EP300: variants seen among roughly 807,000 people sequenced by gnomAD.
EP300 encodes the protein EP300 lysine acetyltransferase.
A neutral mutation model predicts 264.0 loss-of-function variants in EP300; 31 were observed. That is an observed-to-expected ratio of 0.12 (90% CI 0.09 to 0.16). The LOEUF (loss-of-function observed/expected upper bound fraction) is 0.16, where lower values mean the gene tolerates loss of function less well. Ranked by LOEUF, EP300 falls within the 10% of genes least tolerant of loss-of-function variation. The probability of loss-of-function intolerance (pLI) is 1.00; values close to 1 mark genes in which losing one functional copy is unlikely to be tolerated. For missense variants in EP300, 2,766 were observed against 3,052.9 expected (o/e 0.91, Z 2.21); for synonymous variants, 1,340 against 1,045.4 (o/e 1.28, Z -5.44).
intron 7 of EP300, 80 bp from the exon 8 acceptor site, chr22:41,137,573 A>G (rs142899009): frequency 1.5e-5 from 24 of 1,571,180 alleles, no homozygotes; most frequent in Admixed American, 1.5e-4. Context: ...TTCCATTACA[A>G]TAATCAGTGT....
chr22:41,149,715 A>C, intron 13 of EP300, 46 bp from the exon 14 acceptor site: 1 of 1,588,534 alleles, frequency 6.3e-7, no homozygotes, highest in Non-Finnish European at 8.6e-7. Flanking sequence ...GTATTTCCTT[A>C]ATTCTGTTCT....
intron 1 of EP300, among the ~76,000 whole-genome samples, chr22:41,111,695 C>T (rs986398761): frequency 8.6e-5 from 13 of 151,824 alleles, no homozygotes; most frequent in African/African-American, 2.4e-4. Flanking sequence ...CCTGCACCAC[C>T]ACGTACCGCT....
rs34213429 is a variant in EP300, at chr22:41,103,222, G to A, written c.94+10124G>A. ...GAAGTGGGTAGGCAGGTGTGATGGG[G>A]GTAGTGATGTTACATTTGGGGCATT... On this transcript the variant is annotated intron_variant, in intron 1 of 30. Transcript: ENST00000263253. Among the ~76,000 whole-genome samples, 1,063 of 152,248 alleles carry A rather than the reference G, an allele frequency of 7.0e-3. 6 individuals carry two copies. Among genetic ancestry groups the A allele is most frequent in the Non-Finnish European group, 0.011 (754 of 68,000 alleles).
intron 13 of EP300, among the ~76,000 whole-genome samples, chr22:41,149,526 C>T (rs557065399): frequency 6.1e-4 from 93 of 152,246 alleles, no homozygotes; most frequent in Non-Finnish European, 6.3e-4. Flanking sequence ...CATTTTTCTG[C>T]GGTGGCTGAG....
At chr22:41,154,360 G>A (rs908872228) in intron 16 of EP300, among the ~76,000 whole-genome samples, 4 of 117,712 alleles carry the variant, frequency 3.4e-5, no homozygotes, top group African/African-American at 6.1e-5. Context: ...CTCTTAACAC[G>A]AGTATCTTGT....
chr22:41,136,024 G>T, intron 7 of EP300, 118 bp downstream of exon 7: 1 of 801,214 alleles, frequency 1.2e-6, no homozygotes. Flanking sequence ...AATACAGATA[G>T]ATGTTTGAGT....
chr22:41,132,867 TATG>T (rs1403286221), intron 6 of EP300, among the ~76,000 whole-genome samples: 1 of 152,214 alleles, frequency 6.6e-6, no homozygotes, highest in Non-Finnish European at 1.5e-5. Flanking sequence ...TCTGATTGCA[TATG>T]ATAACATTGG....
At chr22:41,119,172 ATTAT>A (rs1471390315) in intron 2 of EP300, among the ~76,000 whole-genome samples, 8 of 107,218 alleles carry the variant, frequency 7.5e-5, no homozygotes, top group African/African-American at 3.5e-4. Context: ...CTGGCTTATT[ATTAT>A]TTTTTTTTTT....
chr22:41,119,478 G>C (rs960372096), intron 2 of EP300, among the ~76,000 whole-genome samples: 1 of 152,048 alleles, frequency 6.6e-6, no homozygotes, highest in Non-Finnish European at 1.5e-5. Flanking sequence ...ATTCTGTTAC[G>C]GAGAGGAGGG....
chr22:41,140,055 C>G (rs1191386865), intron 8 of EP300, 85 bp from the exon 9 acceptor site: 4 of 924,588 alleles, frequency 4.3e-6, no homozygotes, highest in Non-Finnish European at 7.2e-6. Context: ...TTTTCTTTTC[C>G]TCTATGTGTT....
At chr22:41,168,342 G>A in intron 23 of EP300, 107 bp from the exon 24 acceptor site, 1 of 1,370,832 alleles carries the variant, frequency 7.3e-7, no homozygotes, top group South Asian at 1.2e-5. Context: ...ATTTCACCAA[G>A]TTATCCTGTT....
Position 41,178,967 on chromosome 22 carries a change from TA to T in EP300, c.*12del, listed in dbSNP as rs397867944. On this transcript the variant is annotated 3_prime_UTR_variant, in exon 31 of 31. Transcript: ENST00000263253. ...CTAGACATACACTAGAGACACCTTG[TA>T]GTATTTTGGGAGCAAAAAAATTATT... The T allele has an allele frequency of 5.9e-6, 5 of 851,018 alleles. No homozygotes were observed. The allele number at this position is 851,018 out of a possible 1,614,324, so 52.7% of individuals were successfully genotyped here.
rs1170019761 is a variant in EP300 at position 41,177,566 on chromosome 22, T to C, written c.5855T>C (p.Ile1952Thr). Residue 1952 changes from isoleucine (I) to threonine (T), a missense_variant, in exon 31 of 31, where the codon ATC becomes ACC. Coordinates refer to ENST00000263253, the MANE Select transcript of EP300 (RefSeq NM_001429.4). ...CACGTGCAAATTTTTCAAAGGCCAA[T>C]CCAACACCAGATGCCCCCGATGACT... ...MAHVQIFQRP[I>T]QHQMPPMTPM... is the part of the protein sequence containing the mutation. 3 of 1,614,104 alleles carry C rather than the reference T, an allele frequency of 1.9e-6. No homozygotes were observed. Among genetic ancestry groups the C allele is most frequent in the Non-Finnish European group, 2.5e-6 (3 of 1,180,024 alleles).
At chr22:41,109,584 T>C (rs1203741787) in intron 1 of EP300, among the ~76,000 whole-genome samples, 1 of 152,202 alleles carries the variant, frequency 6.6e-6, no homozygotes, top group Admixed American at 6.5e-5. Flanking sequence ...AGGTAACATG[T>C]TTATAGTGCT....
At position 41,151,946 on chromosome 22, in the gene EP300, G is replaced by C. The variant is rs749225428; in HGVS notation, c.2931G>C (p.Lys977Asn). 1 of 1,614,148 alleles carries C rather than the reference G, an allele frequency of 6.2e-7. No individual in the cohort carries two copies. The highest frequency in any genetic ancestry group is 1.1e-5 in the South Asian group (1 of 91,082). ...AGAAGCAGCCTTCCCAGGAAGTGAAGATGGAGGCCAAAATGGAAGTGGATC... is the reference window on the plus strand; with the variant it reads ...AGAAGCAGCCTTCCCAGGAAGTGAACATGGAGGCCAAAATGGAAGTGGATC... ...IAEKQPSQEV[K>N]MEAKMEVDQP... The change falls in exon 15 of 31, where the codon AAG becomes AAC. Residue 977 changes from lysine (K) to asparagine (N), a missense_variant. Lys to Asn is a moderately conservative substitution (Grantham distance 94). Transcript: ENST00000263253.
At chr22:41,100,117 T>C (rs1396493506) in intron 1 of EP300, among the ~76,000 whole-genome samples, 1 of 152,124 alleles carries the variant, frequency 6.6e-6, no homozygotes, top group Non-Finnish European at 1.5e-5. Flanking sequence ...TCTGTAGTCC[T>C]AGCTTCTTGG....
chr22:41,106,821 T>G (rs4822004), intron 1 of EP300, among the ~76,000 whole-genome samples: 79,303 of 151,962 alleles, frequency 0.52, 23,369 homozygotes, highest in Admixed American at 0.72. Flanking sequence ...TGTCTAAAAC[T>G]CCTGGGCTCA....
chr22:41,173,202 T>TA (rs1394696100), intron 28 of EP300, among the ~76,000 whole-genome samples: 2 of 152,238 alleles, frequency 1.3e-5, no homozygotes, highest in Non-Finnish European at 2.9e-5. Context: ...AACAAACTCT[T>TA]ACAGCCTTGT....
intron 1 of EP300, among the ~76,000 whole-genome samples, chr22:41,109,589 A>G (rs953346099): frequency 2.0e-5 from 3 of 152,208 alleles, no homozygotes; most frequent in African/African-American, 7.2e-5. Context: ...ACATGTTTAT[A>G]GTGCTTAGTG....
Sources: allele counts gnomAD v4.1 joint callset (sites outside exome capture counted in the v4.1 genomes callset), GRCh38; gene constraint gnomAD v4.1.1; transcripts MANE v1.5; gene names NCBI Gene and HGNC (gene_info 2026-07-23, HGNC 2026-07-21).